The following RABGAP1L variants were observed in gnomAD, a reference collection of about 807,000 sequenced individuals.
The protein encoded by RABGAP1L is rab GTPase-activating protein 1-like.
In RABGAP1L, 63 loss-of-function variants were observed where a neutral mutation model predicts 137.7. That is an observed-to-expected ratio of 0.46 (90% confidence interval 0.37 to 0.56). The LOEUF (loss-of-function observed/expected upper bound fraction) is 0.56, where lower values mean the gene tolerates loss of function less well. Among genes scored for constraint, RABGAP1L ranks in the 20% least tolerant of loss-of-function variants. The probability of loss-of-function intolerance (pLI) is 0.00; values close to 1 mark genes in which losing one functional copy is unlikely to be tolerated. For missense variants in RABGAP1L, 1,095 were observed against 1,244.0 expected, an observed-to-expected ratio of 0.88 and a Z score of 1.80; for synonymous variants, 431 against 433.7, an observed-to-expected ratio of 0.99 and a Z score of 0.08.
chr1:174,701,022 G>C lies in RABGAP1L; in HGVS notation c.2026-1091G>C, dbSNP rs1312412848. On this transcript the variant is annotated intron_variant, in intron 16 of 25. Coordinates refer to ENST00000681986, the MANE Select transcript of RABGAP1L (RefSeq NM_001366446.1). ...ACGTTCCATTTGAAGTACCTAATGG[G>C]CACATTTGGCTATTTTTCAAAGAGA... The C allele has an allele frequency of 3.9e-6, 5 of 1,284,748 alleles. No homozygotes were observed. In the East Asian group the frequency reaches 2.2e-4, roughly 57 times the overall value. 79.6% of individuals were successfully genotyped at this position (1,284,748 alleles called of 1,614,324 possible). A position where few individuals can be genotyped will look rare whatever the true frequency, so the allele number is the denominator to read the frequency against.
At chr1:174,966,570 T>C (rs919247631) in intron 20 of RABGAP1L, among the ~76,000 whole-genome samples, 8 of 152,214 alleles carry the variant, frequency 5.3e-5, no homozygotes, top group Non-Finnish European at 1.0e-4. Flanking sequence ...AGAAATTGTG[T>C]TGCTTAGGCA....
intron 19 of RABGAP1L, among the ~76,000 whole-genome samples, chr1:174,896,155 T>C (rs1221179005): frequency 2.0e-5 from 3 of 152,356 alleles, no homozygotes; most frequent in South Asian, 2.1e-4. Flanking sequence ...TGAGATGGTA[T>C]CTCATTGTGG....
intron 18 of RABGAP1L, among the ~76,000 whole-genome samples, chr1:174,804,608 C>T (rs556729629): frequency 2.0e-5 from 3 of 152,232 alleles, no homozygotes; most frequent in Non-Finnish European, 4.4e-5. Context: ...CCACCGTGCC[C>T]GGCCTCCCTC....
chr1:174,745,907 G>A (rs774866696), intron 17 of RABGAP1L, among the ~76,000 whole-genome samples: 1 of 152,078 alleles, frequency 6.6e-6, no homozygotes, highest in South Asian at 2.1e-4. Flanking sequence ...GCCATTTTTG[G>A]TTTGATAATT....
chr1:174,810,375 G>A (rs1284533603), intron 18 of RABGAP1L, among the ~76,000 whole-genome samples: 1 of 152,144 alleles, frequency 6.6e-6, no homozygotes. Flanking sequence ...ATCTTATATT[G>A]AGCTAAAATC....
intron 13 of RABGAP1L, among the ~76,000 whole-genome samples, chr1:174,420,439 A>G (rs1237722957): frequency 6.6e-6 from 1 of 152,198 alleles, no homozygotes; most frequent in African/African-American, 2.4e-5. Context: ...AGATAATGAT[A>G]TGAATCTTGA....
intron 19 of RABGAP1L, among the ~76,000 whole-genome samples, chr1:174,954,735 G>GA (rs1412257874): frequency 6.6e-6 from 1 of 152,148 alleles, no homozygotes; most frequent in Non-Finnish European, 1.5e-5. Flanking sequence ...GATCTGGTGG[G>GA]AAAATGGCTC....
chr1:174,624,331 G>T (rs944089552), intron 13 of RABGAP1L, among the ~76,000 whole-genome samples: 3 of 151,796 alleles, frequency 2.0e-5, no homozygotes, highest in African/African-American at 7.3e-5. Context: ...TGCCCATATA[G>T]TTTTTTTTGG....
At chr1:174,848,818 T>A (rs1375961701) in intron 19 of RABGAP1L, among the ~76,000 whole-genome samples, 4 of 151,176 alleles carry the variant, frequency 2.6e-5, no homozygotes, top group African/African-American at 9.8e-5. Flanking sequence ...CGGGCGCCCC[T>A]CCCCCAGCTT....
chr1:174,969,792 T>G (rs531901280), intron 21 of RABGAP1L, among the ~76,000 whole-genome samples: 15 of 152,142 alleles, frequency 9.9e-5, no homozygotes, highest in Non-Finnish European at 1.9e-4. Context: ...AGTACCTACA[T>G]TAAGAGTTGG....
At chr1:174,916,714 C>T (rs1660945822) in intron 19 of RABGAP1L, among the ~76,000 whole-genome samples, 1 of 152,192 alleles carries the variant, frequency 6.6e-6, no homozygotes, top group South Asian at 2.1e-4. Flanking sequence ...GAGAGCATAT[C>T]TCGTCCTTTG....
Position 174,677,955 on chromosome 1 carries a change from A to G in RABGAP1L, c.1825-5567A>G, listed in dbSNP as rs142443091. On this transcript the variant is annotated intron_variant, in intron 14 of 25. Coordinates refer to ENST00000681986, the MANE Select transcript of RABGAP1L (RefSeq NM_001366446.1). ...GAAAATGTATTTAAAAAAGAAAAAG[A>G]TAAAACCAAAAGCCAGATCTTTGAA... 2.6e-3 allele frequency among the ~76,000 whole-genome samples: 395 copies of G among 152,272 alleles called. 1 individual carries two copies. The highest frequency in any genetic ancestry group is 6.8e-3 in the Middle Eastern group (2 of 294).
At chr1:174,584,011 T>C (rs1298652762) in intron 13 of RABGAP1L, among the ~76,000 whole-genome samples, 1 of 152,174 alleles carries the variant, frequency 6.6e-6, no homozygotes, top group Non-Finnish European at 1.5e-5. Flanking sequence ...TTCACTTCCA[T>C]AAGCTTTCTG....
intron 13 of RABGAP1L, among the ~76,000 whole-genome samples, chr1:174,572,928 T>G (rs979383651): frequency 2.0e-4 from 30 of 151,752 alleles, no homozygotes; most frequent in African/African-American, 7.1e-4. Context: ...TCATCTCTCT[T>G]GGGAGAAATG....
chr1:174,888,517 C>T (rs749702568), intron 19 of RABGAP1L, among the ~76,000 whole-genome samples: 29 of 152,134 alleles, frequency 1.9e-4, no homozygotes, highest in Non-Finnish European at 3.1e-4. Flanking sequence ...ATGAATCTCT[C>T]ATTAACCTAT....
intron 3 of RABGAP1L, among the ~76,000 whole-genome samples, chr1:174,225,508 T>TTC (rs900684821): frequency 6.6e-5 from 10 of 151,528 alleles, no homozygotes; most frequent in Non-Finnish European, 1.3e-4. Flanking sequence ...TTTTTTTTTT[T>TTC]TTTTTTTAAA....
Position 174,763,709 on chromosome 1 carries a change from G to A in RABGAP1L, c.2211+11355G>A, listed in dbSNP as rs1685435004. On this transcript the variant is annotated intron_variant, in intron 18 of 25. Coordinates refer to ENST00000681986, the MANE Select transcript of RABGAP1L (RefSeq NM_001366446.1). ...AAAAATTAGCCAGGCGTGGTGGCAGGTGCCTGTAGTCCCAGCTATGCAGGA... is the reference window on the plus strand; with the variant it reads ...AAAAATTAGCCAGGCGTGGTGGCAGATGCCTGTAGTCCCAGCTATGCAGGA... Among the ~76,000 whole-genome samples, 11 of 138,812 alleles carry A rather than the reference G, an allele frequency of 7.9e-5. No homozygotes were observed. In the South Asian group the frequency reaches 2.5e-3, roughly 32 times the overall value. The allele number at this position is 138,812 out of a possible 152,430, so 91.1% of individuals were successfully genotyped here.
chr1:174,517,965 A>T (rs527579338), intron 13 of RABGAP1L, among the ~76,000 whole-genome samples: 1 of 152,312 alleles, frequency 6.6e-6, no homozygotes, highest in East Asian at 1.9e-4. Context: ...TTCTGGTGTC[A>T]ATGGATACAG....
intron 13 of RABGAP1L, among the ~76,000 whole-genome samples, chr1:174,514,247 C>CA (rs776487855): frequency 0.38 from 30,169 of 80,036 alleles, 4,065 homozygotes; most frequent in East Asian, 0.52. Flanking sequence ...TATTTTAAGC[C>CA]AAAAAAAAAA....
Sources: allele counts gnomAD v4.1 joint callset (sites outside exome capture counted in the v4.1 genomes callset), GRCh38; gene constraint gnomAD v4.1.1; transcripts MANE v1.5; gene names NCBI Gene and HGNC (gene_info 2026-07-23, HGNC 2026-07-21).